USP33: variants seen among roughly 807,000 people sequenced by gnomAD.
USP33 encodes the protein ubiquitin specific peptidase 33, also known as ubiquitin carboxyl-terminal hydrolase 33.
Under a neutral mutation model 124.2 loss-of-function variants are expected in USP33, and 46 were observed. That is an observed-to-expected ratio of 0.37 (90% CI 0.29 to 0.47). The LOEUF (loss-of-function observed/expected upper bound fraction) is 0.47, where lower values mean the gene tolerates loss of function less well. Ranked by LOEUF, USP33 falls within the 20% of genes least tolerant of loss-of-function variation. The pLI, the probability that USP33 is intolerant of heterozygous loss-of-function variation, is 0.99. For synonymous variants in USP33, 350 were observed against 352.3 expected (o/e 0.99, Z 0.07); for missense variants, 851 against 1,070.6 (o/e 0.79, Z 2.86).
At chr1:77,737,612 A>T (rs1298300421) in intron 5 of USP33, among the ~76,000 whole-genome samples, 1 of 152,238 alleles carries the variant, frequency 6.6e-6, no homozygotes, top group Non-Finnish European at 1.5e-5. Context: ...AATTTCTTCA[A>T]CAATGGGATC....
chr1:77,719,383 C>T (rs1007393544), intron 15 of USP33, among the ~76,000 whole-genome samples: 1 of 151,988 alleles, frequency 6.6e-6, no homozygotes, highest in Non-Finnish European at 1.5e-5. Flanking sequence ...TAATTTAAAC[C>T]AAGATATCGG....
rs150446682 is a variant in USP33, at chr1:77,734,282, G to C, written c.524+65C>G. 381 of 1,299,320 alleles carry C rather than the reference G, an allele frequency of 2.9e-4. 2 individuals carry two copies. In the African/African-American group the frequency reaches 5.0e-3, roughly 17 times the overall value. The allele number at this position is 1,299,320 out of a possible 1,614,324, so 80.5% of individuals were successfully genotyped here. On this transcript the variant is annotated intron_variant, in intron 7 of 23. Transcript: ENST00000370794. ...GTTAGTCAACTACTATAGTTGCAAG[G>C]TTTTCTGCTCAAAAAATAACTTAAA...
At chr1:77,750,625 AAAGAAAGAAAG>A (rs1362798179) in intron 1 of USP33, among the ~76,000 whole-genome samples, 1 of 18,554 alleles carries the variant, frequency 5.4e-5, no homozygotes, top group Non-Finnish European at 1.2e-4. Context: ...CTGACTTAAA[AAAGAAAGAAAG>A]AAAGAAAGAA....
intron 22 of USP33, among the ~76,000 whole-genome samples, chr1:77,701,088 G>A (rs1673965456): frequency 6.6e-6 from 1 of 152,030 alleles, no homozygotes; most frequent in Non-Finnish European, 1.5e-5. Context: ...CATACTTTAA[G>A]CAACCTCTTA....
Position 77,736,095 on chromosome 1 carries a change from C to T in USP33, c.415G>A (p.Asp139Asn). The change falls in exon 6 of 24, where the codon GAT (aspartate) becomes AAT (asparagine). Residue 139 changes from aspartate (D) to asparagine (N), a missense_variant. Physicochemically the swap from Asp to Asn is conservative, Grantham distance 23 (BLOSUM62 1). Coordinates refer to ENST00000370794, the MANE Select transcript of USP33 (RefSeq NM_201624.3). Reference protein sequence around the residue: ...TPLVAVFDDLDIEADEEDELR... With the variant: ...TPLVAVFDDLNIEADEEDELR... ...TCATCTTCTTCATCCGCTTCTATAT[C>T]CAGATCATCAAATACGGCAACCAGA... The T allele has an allele frequency of 6.2e-7, 1 of 1,613,292 alleles. No homozygotes were observed. Among genetic ancestry groups the T allele is most frequent in the Non-Finnish European group, 8.5e-7 (1 of 1,179,634 alleles).
At chr1:77,725,284 A>G (rs902082284) in intron 11 of USP33, among the ~76,000 whole-genome samples, 2 of 152,228 alleles carry the variant, frequency 1.3e-5, no homozygotes, top group Admixed American at 6.5e-5. Context: ...ATAGGAATAG[A>G]GAAATGATCT....
At chr1:77,750,357 G>A (rs1050231603) in intron 1 of USP33, among the ~76,000 whole-genome samples, 6 of 151,638 alleles carry the variant, frequency 4.0e-5, no homozygotes, top group South Asian at 2.1e-4. Flanking sequence ...GGGCAGCCAC[G>A]CATGACAGCT....
chr1:77,716,339 C>T (rs1016794360), intron 17 of USP33, among the ~76,000 whole-genome samples: 6 of 152,170 alleles, frequency 3.9e-5, no homozygotes, highest in Non-Finnish European at 7.3e-5. Context: ...GGATTACAGG[C>T]ATGAGTCATT....
intron 10 of USP33, among the ~76,000 whole-genome samples, chr1:77,727,521 C>G (rs1677304357): frequency 6.6e-6 from 1 of 152,196 alleles, no homozygotes; most frequent in African/African-American, 2.4e-5. Flanking sequence ...GCACTTTACC[C>G]AAGTGAACCA....
chr1:77,723,518 G>T, intron 11 of USP33, 75 bp from the exon 12 acceptor site: 1 of 990,908 alleles, frequency 1.0e-6, no homozygotes, highest in Non-Finnish European at 1.5e-6. Context: ...TTTTTGTCTT[G>T]TCAATCTTAC....
intron 10 of USP33, among the ~76,000 whole-genome samples, chr1:77,726,559 T>A (rs1210939512): frequency 6.6e-6 from 1 of 150,388 alleles, no homozygotes; most frequent in African/African-American, 2.5e-5. Context: ...GGTGGGAGGA[T>A]CACTTGAGCC....
chr1:77,745,036 CATT>C (rs1188485551), intron 1 of USP33, among the ~76,000 whole-genome samples: 3 of 152,122 alleles, frequency 2.0e-5, no homozygotes, highest in Non-Finnish European at 4.4e-5. Context: ...TAAAGTCTCC[CATT>C]ATTATTGTGT....
intron 1 of USP33, among the ~76,000 whole-genome samples, chr1:77,749,339 T>C (rs1267899499): frequency 1.3e-5 from 2 of 152,132 alleles, no homozygotes; most frequent in African/African-American, 4.8e-5. Flanking sequence ...TTAATATCCA[T>C]ATCCTACTTG....
chr1:77,721,303 G>C, intron 14 of USP33, 98 bp from the exon 15 acceptor site: 1 of 1,322,740 alleles, frequency 7.6e-7, no homozygotes, highest in South Asian at 1.3e-5. Context: ...TGACCTCCCA[G>C]CACAGAAAAA....
intron 21 of USP33, among the ~76,000 whole-genome samples, chr1:77,708,714 T>C (rs1198572404): frequency 1.3e-5 from 2 of 152,230 alleles, no homozygotes; most frequent in East Asian, 3.8e-4. Flanking sequence ...AATAGTTTGT[T>C]GTTTTATAAA....
In USP33 at chr1:77,717,925, T is replaced by A; in HGVS notation, c.1860A>T (p.Pro620=). The A allele has an allele frequency of 1.9e-6, 3 of 1,613,362 alleles. No individual in the cohort carries two copies. Among genetic ancestry groups the A allele is most frequent in the Non-Finnish European group, 2.5e-6 (3 of 1,179,688 alleles). Residue 620 remains proline (P), a synonymous_variant, in exon 17 of 24, where the codon CCA becomes CCT. Transcript: ENST00000370794. The stretch of plus-strand genomic sequence containing the variant: ...GAAGATCATATGTCACAATTTGAGC[T>A]GGACTATCCTTAGCAAGAAATGGCT... ...DLQPFLAKDS[P]AQIVTYDLLS... is the part of the protein sequence containing the mutation.
At chr1:77,753,175 C>T (rs2101614362) in intron 1 of USP33, among the ~76,000 whole-genome samples, 1 of 152,126 alleles carries the variant, frequency 6.6e-6, no homozygotes, top group South Asian at 2.1e-4. Flanking sequence ...AAGAATCAAC[C>T]ATATAAACTG....
chr1:77,699,197 T>A (rs1255418873), intron 22 of USP33, among the ~76,000 whole-genome samples: 2 of 152,156 alleles, frequency 1.3e-5, no homozygotes, highest in Non-Finnish European at 2.9e-5. Context: ...AGATACCATG[T>A]CACATCAGTC....
intron 22 of USP33, among the ~76,000 whole-genome samples, chr1:77,699,730 G>A (rs1424836568): frequency 6.6e-6 from 1 of 152,146 alleles, no homozygotes; most frequent in Non-Finnish European, 1.5e-5. Context: ...CTATTATAAA[G>A]ATACATGCAC....
Sources: gnomAD v4.1 joint callset for allele counts (sites outside exome capture counted in the v4.1 genomes callset) on GRCh38, gnomAD v4.1.1 for gene constraint, MANE v1.5 for transcripts, NCBI Gene and HGNC (gene_info 2026-07-23, HGNC 2026-07-21) for gene names.